CYB5R3: variants seen among roughly 807,000 people sequenced by gnomAD.
CYB5R3 encodes cytochrome b5 reductase 3.
A neutral mutation model predicts 36.5 loss-of-function variants in CYB5R3; 28 were observed. The observed-to-expected ratio is 0.77, with a 90% CI of 0.57 to 1.05. The LOEUF is 1.05. Ranked by LOEUF, CYB5R3 falls within the 50% of genes least tolerant of loss-of-function variation. CYB5R3 has a pLI of 0.00. For synonymous variants in CYB5R3, 181 were observed against 159.8 expected, an observed-to-expected ratio of 1.13 and a Z score of -1.00; for missense variants, 474 against 408.9, an observed-to-expected ratio of 1.16 and a Z score of -1.37.
At chr22:42,634,356 C>A (rs1928770994) in intron 2 of CYB5R3, among the ~76,000 whole-genome samples, 1 of 152,048 alleles carries the variant, frequency 6.6e-6, no homozygotes, top group Non-Finnish European at 1.5e-5. Flanking sequence ...AGCAAAACTC[C>A]ATCTCAAAAA....
rs1219788150 is a variant in CYB5R3, at chr22:42,621,182, T to TTGTGTG, written c.734-1238_734-1237insCACACA. Among the ~76,000 whole-genome samples the TTGTGTG allele has an allele frequency of 3.7e-3, 393 of 105,064 alleles. 2 individuals are homozygous for TTGTGTG. The highest frequency in any genetic ancestry group is 0.017 in the African/African-American group (374 of 22,286). 68.9% of individuals were successfully genotyped at this position (105,064 alleles called of 152,430 possible). A position where few individuals can be genotyped will look rare whatever the true frequency, so the allele number is the denominator to read the frequency against. Reference sequence around the variant, plus strand: ...TTTCAATTTCACAGCGATTTCTTTTTAGTGTGTGTGTGTGTGTGTGTGTGT... The same window carrying TTGTGTG: ...TTTCAATTTCACAGCGATTTCTTTTTTGTGTGAGTGTGTGTGTGTGTGTGTGTGTGT... On this transcript the variant is annotated intron_variant, in intron 8 of 8. Coordinates refer to ENST00000352397, the MANE Select transcript of CYB5R3 (RefSeq NM_000398.7).
intron 4 of CYB5R3, among the ~76,000 whole-genome samples, chr22:42,629,361 G>A (rs1302502744): frequency 6.6e-6 from 1 of 152,150 alleles, no homozygotes; most frequent in Non-Finnish European, 1.5e-5. Flanking sequence ...CACCTGGTCA[G>A]TGCCTACTCA....
chr22:42,631,141 C>T (rs1928595133), intron 3 of CYB5R3, 153 bp from the exon 4 acceptor site: 2 of 807,034 alleles, frequency 2.5e-6, no homozygotes, highest in Non-Finnish European at 4.1e-6. Flanking sequence ...CGGGGATTCC[C>T]CTCACGTCCC....
chr22:42,626,439 C>G (rs890433630), intron 7 of CYB5R3, among the ~76,000 whole-genome samples: 31 of 152,226 alleles, frequency 2.0e-4, no homozygotes, highest in African/African-American at 7.5e-4. Context: ...ACTGCCCTCG[C>G]TACCAGCTGC....
chr22:42,633,945 A>G (rs1928746088), intron 2 of CYB5R3, among the ~76,000 whole-genome samples: 1 of 152,136 alleles, frequency 6.6e-6, no homozygotes, highest in Admixed American at 6.6e-5. Context: ...CAAAAACAAA[A>G]CAACCCACCA....
At chr22:42,628,108 T>C in intron 5 of CYB5R3, 44 bp downstream of exon 5, 2 of 1,612,240 alleles carry the variant, frequency 1.2e-6, no homozygotes, top group Non-Finnish European at 1.7e-6. Context: ...GCTCTCCAAT[T>C]CTCTGAGCCT....
In CYB5R3 at chr22:42,628,286, A is replaced by G. The variant is rs773530505; in HGVS notation, c.334-5T>C. ...ATGGGTGTCCTTGAAGTAAACCTGC[A>G]AGACACCCCCGCAGCCCTCAGTCCC... On this transcript the variant is annotated splice_polypyrimidine_tract_variant and splice_region_variant and intron_variant, in intron 4 of 8. Coordinates refer to ENST00000352397, the MANE Select transcript of CYB5R3 (RefSeq NM_000398.7). 17 of 1,613,508 alleles carry G rather than the reference A, an allele frequency of 1.1e-5. No individual in the cohort carries two copies. The highest frequency in any genetic ancestry group is 1.4e-5 in the Non-Finnish European group (17 of 1,179,736).
intron 1 of CYB5R3, among the ~76,000 whole-genome samples, chr22:42,638,728 T>TTAAAAAAAAAAAAAAA (rs1569324852): frequency 2.5e-4 from 12 of 47,488 alleles, no homozygotes; most frequent in African/African-American, 1.1e-3. Context: ...CAAGACTCCA[T>TTAAAAAAAAAAAAAAA]AAAAAAAAAA....
chr22:42,646,534 G>C (rs905837676), intron 1 of CYB5R3: 1 of 488,810 alleles, frequency 2.0e-6, no homozygotes, highest in Non-Finnish European at 2.7e-6. Context: ...CAGGTTAGGG[G>C]TGGGCAGAGA....
chr22:42,626,192 C>T (rs1928258465), intron 7 of CYB5R3, among the ~76,000 whole-genome samples: 1 of 152,152 alleles, frequency 6.6e-6, no homozygotes, highest in Non-Finnish European at 1.5e-5. Context: ...ATCCTGTAAT[C>T]CCAGCTACTC....
chr22:42,640,293 C>T (rs1434527594), intron 1 of CYB5R3: 4 of 1,540,728 alleles, frequency 2.6e-6, no homozygotes, highest in Admixed American at 1.9e-5. Context: ...GATGGAAAGT[C>T]CATCATCCCG....
chr22:42,646,240 C>G lies in CYB5R3; in HGVS notation c.21+3055G>C, dbSNP rs867682850. ...ACACACTCACACACACAGACCACCTCACCCCAGCCACCTGGGGGCCCAGGA... is the reference window on the plus strand; with the variant it reads ...ACACACTCACACACACAGACCACCTGACCCCAGCCACCTGGGGGCCCAGGA... On this transcript the variant is annotated intron_variant, in intron 1 of 8. Transcript: ENST00000352397. 1.1e-3 allele frequency among the ~76,000 whole-genome samples: 172 copies of G among 152,292 alleles called. 2 individuals carry two copies. The highest frequency in any genetic ancestry group is 4.0e-3 in the African/African-American group (168 of 41,562).
intron 2 of CYB5R3, among the ~76,000 whole-genome samples, chr22:42,633,567 C>T (rs923880988): frequency 6.6e-6 from 1 of 152,224 alleles, no homozygotes; most frequent in Admixed American, 6.5e-5. Flanking sequence ...GGCGGATCAC[C>T]TGAGGTCGAA....
Position 42,630,991 on chromosome 22 carries a change from GC to G in CYB5R3, c.227-4del. ...AGCCGAGAGGTAGATGTGCTGGCCTGCAGGACAGAACGGGGTCACTCTGGGC... is the reference window on the plus strand; with the variant it reads ...AGCCGAGAGGTAGATGTGCTGGCCTGAGGACAGAACGGGGTCACTCTGGGC... On this transcript the variant is annotated splice_region_variant and splice_polypyrimidine_tract_variant and intron_variant, in intron 3 of 8. Transcript: ENST00000352397. 1 of 1,613,174 alleles carries G rather than the reference GC, an allele frequency of 6.2e-7. No individual in the cohort carries two copies. The highest frequency in any genetic ancestry group is 8.5e-7 in the Non-Finnish European group (1 of 1,179,472).
chr22:42,642,167 A>G (rs1327816560), intron 1 of CYB5R3, among the ~76,000 whole-genome samples: 1 of 151,364 alleles, frequency 6.6e-6, no homozygotes, highest in African/African-American at 2.4e-5. Flanking sequence ...GCTGGAATGC[A>G]GTGGCGTGAT....
Position 42,630,992 on chromosome 22 carries a change from C to T in CYB5R3, c.227-4G>A. 1 of 1,613,010 alleles carries T rather than the reference C, an allele frequency of 6.2e-7. No homozygotes were observed. The highest frequency in any genetic ancestry group is 8.5e-7 in the Non-Finnish European group (1 of 1,179,426). ...GCCGAGAGGTAGATGTGCTGGCCTG[C>T]AGGACAGAACGGGGTCACTCTGGGC... On this transcript the variant is annotated splice_region_variant and splice_polypyrimidine_tract_variant and intron_variant, in intron 3 of 8. Transcript: ENST00000352397.
intron 2 of CYB5R3, among the ~76,000 whole-genome samples, chr22:42,635,294 C>A (rs890008433): frequency 1.3e-5 from 2 of 150,456 alleles, no homozygotes; most frequent in African/African-American, 4.9e-5. Context: ...TTAGTAGAGA[C>A]AGAGTTTCAC....
chr22:42,621,218 G>GTGTT (rs1556024879), intron 8 of CYB5R3, among the ~76,000 whole-genome samples: 2 of 149,610 alleles, frequency 1.3e-5, no homozygotes, highest in African/African-American at 5.0e-5. Flanking sequence ...GTGTGTGTGT[G>GTGTT]TTTTTAAGAG....
At chr22:42,623,675 G>T in intron 8 of CYB5R3, 114 bp downstream of exon 8, 1 of 840,556 alleles carries the variant, frequency 1.2e-6, no homozygotes, top group African/African-American at 1.7e-5. Context: ...CCTCCCACAG[G>T]GCCATAGTGA....
Sources: gnomAD v4.1 joint callset for allele counts (sites outside exome capture counted in the v4.1 genomes callset) on GRCh38, gnomAD v4.1.1 for gene constraint, MANE v1.5 for transcripts, NCBI Gene and HGNC (gene_info 2026-07-23, HGNC 2026-07-21) for gene names.